The following DOCK2 variants were observed in gnomAD, a reference collection of about 807,000 sequenced individuals.
The protein encoded by DOCK2 is dedicator of cytokinesis 2.
Under a neutral mutation model 248.9 loss-of-function variants are expected in DOCK2, and 87 were observed. The observed-to-expected ratio is 0.35, with a 90% confidence interval of 0.29 to 0.42. DOCK2 has a LOEUF of 0.42. Ranked by LOEUF, DOCK2 falls within the 10% of genes least tolerant of loss-of-function variation. DOCK2 has a pLI of 1.00. For synonymous variants in DOCK2, 805 were observed against 821.6 expected (o/e 0.98, Z 0.35); for missense variants, 1,747 against 2,300.2 (o/e 0.76, Z 4.92).
At chr5:169,907,800 T>C (rs1470430729) in intron 27 of DOCK2, among the ~76,000 whole-genome samples, 2 of 152,156 alleles carry the variant, frequency 1.3e-5, no homozygotes, top group African/African-American at 4.8e-5. Flanking sequence ...TGGAAAAGTC[T>C]GGAGACATTT....
At chr5:169,966,618 A>G (rs1430831067) in intron 27 of DOCK2, among the ~76,000 whole-genome samples, 1 of 152,200 alleles carries the variant, frequency 6.6e-6, no homozygotes, top group African/African-American at 2.4e-5. Flanking sequence ...ACCTGGCTCC[A>G]TACCCTTATT....
At chr5:169,985,645 G>A (rs975065342) in intron 28 of DOCK2, among the ~76,000 whole-genome samples, 183 bp from the exon 29 acceptor site, 3 of 152,146 alleles carry the variant, frequency 2.0e-5, no homozygotes, top group African/African-American at 4.8e-5. Context: ...ATGTTCCACT[G>A]ACATTTGGGA....
chr5:169,671,241 C>A lies in DOCK2; in HGVS notation c.321+67C>A, dbSNP rs547660655. Reference sequence around the variant, plus strand: ...CAATCTTCAGTTTGGTTCCAGTTTTCATTTTAGCATTGAGTCAGGCAGGTG... The same window carrying A: ...CAATCTTCAGTTTGGTTCCAGTTTTAATTTTAGCATTGAGTCAGGCAGGTG... On this transcript the variant is annotated intron_variant, in intron 5 of 51. Coordinates refer to ENST00000520908, the MANE Select transcript of DOCK2 (RefSeq NM_004946.3). The A allele has an allele frequency of 9.6e-5, 142 of 1,473,696 alleles. 2 individuals carry two copies. The South Asian group carries it at 1.6e-3, about 17-fold the overall frequency. 91.3% of individuals were successfully genotyped at this position (1,473,696 alleles called of 1,614,324 possible).
intron 25 of DOCK2, among the ~76,000 whole-genome samples, chr5:169,793,259 C>T (rs1026200329): frequency 1.6e-4 from 24 of 152,194 alleles, no homozygotes; most frequent in Non-Finnish European, 1.3e-4. Context: ...CATGTCGACT[C>T]TGCCTTCAAA....
chr5:169,797,086 C>T (rs191357662), intron 25 of DOCK2, among the ~76,000 whole-genome samples: 78 of 152,278 alleles, frequency 5.1e-4, no homozygotes, highest in Admixed American at 1.2e-3. Flanking sequence ...GTAGAATGGA[C>T]ATAACTTCAT....
At chr5:169,673,438 T>C (rs1759150286) in intron 5 of DOCK2, among the ~76,000 whole-genome samples, 1 of 152,030 alleles carries the variant, frequency 6.6e-6, no homozygotes, top group Non-Finnish European at 1.5e-5. Context: ...ACCCACACTT[T>C]CCCAAATGGA....
chr5:169,795,683 C>A (rs1766604871), intron 25 of DOCK2, among the ~76,000 whole-genome samples: 1 of 152,204 alleles, frequency 6.6e-6, no homozygotes, highest in South Asian at 2.1e-4. Context: ...AGACTAGAAT[C>A]ATGTCTATGG....
chr5:170,015,437 A>G (rs1454983278), intron 32 of DOCK2, among the ~76,000 whole-genome samples: 4 of 152,160 alleles, frequency 2.6e-5, no homozygotes, highest in Non-Finnish European at 5.9e-5. Context: ...CAAGTCCTGA[A>G]CAATGAGGAG....
At chr5:169,699,667 G>A (rs544231364) in intron 12 of DOCK2, among the ~76,000 whole-genome samples, 1 of 152,316 alleles carries the variant, frequency 6.6e-6, no homozygotes, top group South Asian at 2.1e-4. Flanking sequence ...AAGCAGAGAG[G>A]AATTGATACA....
At chr5:170,042,788 G>A (rs1756566291) in intron 38 of DOCK2, among the ~76,000 whole-genome samples, 2 of 152,190 alleles carry the variant, frequency 1.3e-5, no homozygotes, top group Non-Finnish European at 2.9e-5. Context: ...TTGTTCCTAT[G>A]AGACATCATC....
At chr5:169,923,077 G>A (rs1775260850) in intron 27 of DOCK2, among the ~76,000 whole-genome samples, 2 of 152,188 alleles carry the variant, frequency 1.3e-5, no homozygotes, top group South Asian at 4.1e-4. Flanking sequence ...GGGACACAGA[G>A]CCACCACCTC....
chr5:169,908,609 A>G (rs987674303), intron 27 of DOCK2, among the ~76,000 whole-genome samples: 3 of 152,222 alleles, frequency 2.0e-5, no homozygotes, highest in Non-Finnish European at 4.4e-5. Context: ...ACATATTGCA[A>G]TATGGAATCA....
chr5:169,935,975 C>T (rs1331497026), intron 27 of DOCK2, among the ~76,000 whole-genome samples: 1 of 152,190 alleles, frequency 6.6e-6, no homozygotes, highest in Non-Finnish European at 1.5e-5. Context: ...GCCAGGTACA[C>T]AGCCTTTAGG....
At chr5:169,968,974 C>T (rs1777400834) in intron 27 of DOCK2, among the ~76,000 whole-genome samples, 1 of 152,128 alleles carries the variant, frequency 6.6e-6, no homozygotes, top group Non-Finnish European at 1.5e-5. Context: ...CATGGTGATA[C>T]CATGCCTCTA....
intron 42 of DOCK2, among the ~76,000 whole-genome samples, chr5:170,055,691 T>C (rs1757101767): frequency 6.6e-6 from 1 of 152,156 alleles, no homozygotes; most frequent in African/African-American, 2.4e-5. Flanking sequence ...GATCTCAGAG[T>C]GGCCCCAGGG....
chr5:169,827,418 C>G (rs1275358682), intron 26 of DOCK2, among the ~76,000 whole-genome samples: 2 of 152,088 alleles, frequency 1.3e-5, no homozygotes, highest in Non-Finnish European at 2.9e-5. Context: ...TAATGTGCTC[C>G]CAGGAATACG....
chr5:169,791,313 G>A (rs921702901), intron 25 of DOCK2, among the ~76,000 whole-genome samples: 5 of 152,226 alleles, frequency 3.3e-5, no homozygotes, highest in Admixed American at 6.5e-5. Flanking sequence ...ACTGCAATGC[G>A]ATGGGGAAGC....
chr5:169,687,457 C>A (rs548958671), intron 8 of DOCK2, among the ~76,000 whole-genome samples: 12 of 152,080 alleles, frequency 7.9e-5, no homozygotes, highest in African/African-American at 2.4e-4. Context: ...GAGAGAGGAA[C>A]GAGGCATCAG....
chr5:169,842,163 T>C (rs745841952), intron 27 of DOCK2, among the ~76,000 whole-genome samples: 2 of 152,216 alleles, frequency 1.3e-5, no homozygotes, highest in Non-Finnish European at 2.9e-5. Context: ...ATAAACACTT[T>C]GTGACTCCCA....
Sources: gnomAD v4.1 joint callset for allele counts (sites outside exome capture counted in the v4.1 genomes callset) on GRCh38, gnomAD v4.1.1 for gene constraint, MANE v1.5 for transcripts, NCBI Gene and HGNC (gene_info 2026-07-23, HGNC 2026-07-21) for gene names.